The following VPS53 variants were observed in gnomAD, a reference collection of about 807,000 sequenced individuals.
VPS53 encodes the protein vacuolar protein sorting-associated protein 53 homolog.
VPS53 carries 70 observed loss-of-function variants against 107.0 expected under a neutral mutation model. That is an observed-to-expected ratio of 0.65 (90% CI 0.54 to 0.80). VPS53 has a LOEUF of 0.80. VPS53 is among the 30% of genes least tolerant of loss of function. The pLI is 0.00. For synonymous variants in VPS53, 409 were observed against 393.3 expected (o/e 1.04, Z -0.47); for missense variants, 917 against 1,049.4 (o/e 0.87, Z 1.74).
intron 11 of VPS53, among the ~76,000 whole-genome samples, chr17:604,947 C>G (rs964024055): frequency 1.3e-5 from 2 of 152,166 alleles, no homozygotes; most frequent in Non-Finnish European, 2.9e-5. Context: ...AGATTAGAGT[C>G]TGCTGGGGGA....
rs1304912961 is a variant in VPS53 at position 697,456 on chromosome 17, C to A, written c.247G>T (p.Val83Leu). 5 of 1,613,908 alleles carry A rather than the reference C, an allele frequency of 3.1e-6. No homozygotes were observed. The highest frequency in any genetic ancestry group is 2.2e-5 in the East Asian group (1 of 44,902). ...TGCCCCACGTTCGTCTGACCTCTTA[C>A]AACAGTTCGAATATTGTCATCCAGT... ...RRLDDNIRTV[V>L]RGQTNVGQDG... The change falls in exon 4 of 22, where the codon GTA (valine) becomes TTA (leucine). Residue 83 changes from valine (V) to leucine (L), a missense_variant. Coordinates refer to ENST00000437048, the MANE Select transcript of VPS53 (RefSeq NM_001128159.3).
intron 10 of VPS53, among the ~76,000 whole-genome samples, chr17:625,516 C>A (rs1334959708): frequency 1.3e-5 from 2 of 150,950 alleles, no homozygotes; most frequent in Non-Finnish European, 2.9e-5. Flanking sequence ...ATGTGAACAC[C>A]AAGCGTGAAC....
At chr17:656,700 A>ATGTGTGTGTGCG (rs1491385319) in intron 5 of VPS53, 15 of 554,550 alleles carry the variant, frequency 2.7e-5, no homozygotes, top group Non-Finnish European at 9.7e-6. Context: ...TGACTAAGAA[A>ATGTGTGTGTGCG]TGTGTGTGTG....
At chr17:526,271 C>T (rs1597245703) in intron 19 of VPS53, among the ~76,000 whole-genome samples, 2 of 152,016 alleles carry the variant, frequency 1.3e-5, no homozygotes, top group Admixed American at 1.3e-4. Flanking sequence ...GGAGATATTT[C>T]CTACTTTTCT....
intron 4 of VPS53, among the ~76,000 whole-genome samples, chr17:694,717 CAATCTT>C (rs898123758): frequency 5.3e-5 from 8 of 152,156 alleles, no homozygotes; most frequent in African/African-American, 1.9e-4. Context: ...AATTAATAAA[CAATCTT>C]AGACAGACAA....
chr17:572,085 T>C (rs1205196073), intron 13 of VPS53, among the ~76,000 whole-genome samples: 58 of 146,742 alleles, frequency 4.0e-4, no homozygotes, highest in African/African-American at 1.4e-3. Context: ...CCCCATCCCA[T>C]CTAGGAAGTG....
chr17:619,663 GGCGT>G (rs1969372131), intron 11 of VPS53, among the ~76,000 whole-genome samples: 1 of 56,324 alleles, frequency 1.8e-5, no homozygotes, highest in Admixed American at 2.0e-4. Flanking sequence ...TGGGACTACA[GGCGT>G]GCACCACCAC....
In VPS53 at chr17:518,965, G is replaced by T; in HGVS notation, c.*163C>A. ...TACTCAGCGTCTCCGATTAGGGCAG[G>T]AAGTAAGACAGGGCATGGGAGAGAC... On this transcript the variant is annotated 3_prime_UTR_variant, in exon 22 of 22. Coordinates refer to ENST00000437048, the MANE Select transcript of VPS53 (RefSeq NM_001128159.3). 1 of 738,132 alleles carries T rather than the reference G, an allele frequency of 1.4e-6. No homozygotes were observed. Among genetic ancestry groups the T allele is most frequent in the Non-Finnish European group, 2.1e-6 (1 of 484,464 alleles). The allele number at this position is 738,132 out of a possible 1,614,324, so 45.7% of individuals were successfully genotyped here.
At chr17:688,619 A>T (rs971659503) in intron 4 of VPS53, among the ~76,000 whole-genome samples, 5 of 152,210 alleles carry the variant, frequency 3.3e-5, no homozygotes, top group African/African-American at 1.2e-4. Context: ...CTCTAGAAGC[A>T]GGCAAAATGA....
At chr17:654,831 G>A (rs938276191) in intron 6 of VPS53, among the ~76,000 whole-genome samples, 2 of 152,014 alleles carry the variant, frequency 1.3e-5, no homozygotes, top group African/African-American at 2.4e-5. Flanking sequence ...CCACCGCCTG[G>A]TCTTACCACC....
At chr17:582,737 A>G (rs1967103518) in intron 13 of VPS53, among the ~76,000 whole-genome samples, 1 of 141,306 alleles carries the variant, frequency 7.1e-6, no homozygotes, top group African/African-American at 2.5e-5. Context: ...TCAGAATCTC[A>G]ATGCGTTCCC....
intron 14 of VPS53, among the ~76,000 whole-genome samples, chr17:562,197 T>C (rs1415700206): frequency 6.6e-6 from 1 of 152,216 alleles, no homozygotes; most frequent in Admixed American, 6.5e-5. Context: ...TCACTTTTTT[T>C]GTATGTGCCA....
intron 4 of VPS53, among the ~76,000 whole-genome samples, chr17:669,432 A>G (rs1368022959): frequency 6.6e-6 from 1 of 152,032 alleles, no homozygotes; most frequent in African/African-American, 2.4e-5. Flanking sequence ...TCTACTAAAA[A>G]TACTAAAAAA....
chr17:515,841 C>A lies in VPS53; in HGVS notation c.*3287G>T, dbSNP rs1199622317. On this transcript the variant is annotated 3_prime_UTR_variant, in exon 22 of 22. Transcript: ENST00000437048. ...ACTGAGTCTCACTCTGTCTCCCAGG[C>A]TGGAGTGCAGTGGCGGGACCTCGGC... The A allele has an allele frequency of 6.6e-6, 1 of 151,728 alleles. No individual in the cohort carries two copies. The highest frequency in any genetic ancestry group is 2.4e-5 in the African/African-American group (1 of 41,252). 9.4% of individuals were successfully genotyped at this position (151,728 alleles called of 1,614,324 possible).
chr17:609,320 G>C (rs1336614112), intron 11 of VPS53, among the ~76,000 whole-genome samples: 1 of 152,190 alleles, frequency 6.6e-6, no homozygotes, highest in Non-Finnish European at 1.5e-5. Flanking sequence ...GTCAGGGCAC[G>C]TATCAGCACT....
At chr17:654,774 A>T (rs1021233555) in intron 6 of VPS53, among the ~76,000 whole-genome samples, 1 of 150,636 alleles carries the variant, frequency 6.6e-6, no homozygotes, top group Admixed American at 6.6e-5. Context: ...AAAAGACAGG[A>T]TCAAGTTCAA....
At chr17:617,324 CA>C (rs1475529901) in intron 11 of VPS53, among the ~76,000 whole-genome samples, 2 of 152,246 alleles carry the variant, frequency 1.3e-5, no homozygotes, top group East Asian at 1.9e-4. Flanking sequence ...CAAGAGGAAT[CA>C]GGGGGCTGCT....
intron 17 of VPS53, 197 bp from the exon 18 acceptor site, chr17:537,373 C>A (rs753286061): frequency 6.5e-6 from 4 of 611,834 alleles, no homozygotes; most frequent in South Asian, 2.1e-5. Flanking sequence ...GCCCAGCGGA[C>A]CCGACAGTGA....
Position 628,124 on chromosome 17 carries a change from C to A in VPS53, c.795G>T (p.Leu265=). Residue 265 remains leucine (L), a synonymous_variant, in exon 9 of 22, where the codon CTG becomes CTT. Coordinates refer to ENST00000437048, the MANE Select transcript of VPS53 (RefSeq NM_001128159.3). ...CTTGAAAAAGTACCAGATACTCTGACAGATGCTGTTTAATAAACTTTTTGA... is the reference window on the plus strand; with the variant it reads ...CTTGAAAAAGTACCAGATACTCTGAAAGATGCTGTTTAATAAACTTTTTGA... ...EIIKKFIKQH[L]SEYLVLFQEN... The A allele has an allele frequency of 1.9e-6, 3 of 1,613,848 alleles. No individual in the cohort carries two copies. The highest frequency in any genetic ancestry group is 2.5e-6 in the Non-Finnish European group (3 of 1,179,920).
Sources: allele counts gnomAD v4.1 joint callset (sites outside exome capture counted in the v4.1 genomes callset), GRCh38; gene constraint gnomAD v4.1.1; transcripts MANE v1.5; gene names NCBI Gene and HGNC (gene_info 2026-07-23, HGNC 2026-07-21).